HIP1R: variants seen among roughly 807,000 people sequenced by gnomAD.
HIP1R encodes the protein huntingtin interacting protein 1 related.
Under a neutral mutation model 144.2 loss-of-function variants are expected in HIP1R, and 135 were observed. That is an observed-to-expected ratio of 0.94 (90% CI 0.81 to 1.08). HIP1R has a LOEUF of 1.08. HIP1R is among the 50% of genes least tolerant of loss of function. The pLI is 0.00. For missense variants in HIP1R, 1,462 were observed against 1,432.8 expected, an observed-to-expected ratio of 1.02 and a Z score of -0.33; for synonymous variants, 698 against 612.8, an observed-to-expected ratio of 1.14 and a Z score of -2.05.
intron 1 of HIP1R, among the ~76,000 whole-genome samples, chr12:122,839,232 C>T (rs188376505): frequency 3.3e-5 from 5 of 152,332 alleles, no homozygotes; most frequent in African/African-American, 1.2e-4. Context: ...TGAGTCCTGC[C>T]TTTTCCTGAT....
At position 122,857,076 on chromosome 12, in the gene HIP1R, T is replaced by C. The variant is rs371136554; in HGVS notation, c.1676T>C (p.Leu559Pro). The change falls in exon 18 of 32, where the codon CTG becomes CCG. Residue 559 changes from leucine (L) to proline (P), a missense_variant. This residue lies in a region of HIP1R where 1,112 missense variants were observed against 1,011.7 expected (regional missense o/e 1.10). Transcript: ENST00000253083. ...ACGCTGAGTGCGGAGAAGGATGCTC[T>C]GAGTGGAGCTGTGCGGCAGCGGGAG... ...LDTLSAEKDA[L>P]SGAVRQREAD... The C allele has an allele frequency of 3.2e-6, 5 of 1,551,462 alleles. No homozygotes were observed. In the African/African-American group the frequency reaches 5.5e-5, roughly 17 times the overall value.
intron 1 of HIP1R, among the ~76,000 whole-genome samples, chr12:122,846,060 G>A (rs890375401): frequency 9.9e-5 from 15 of 152,184 alleles, no homozygotes; most frequent in African/African-American, 2.9e-4. Context: ...GGAATCTTCC[G>A]AACCAGGTGG....
At position 122,857,235 on chromosome 12, in the gene HIP1R, A is replaced by C; in HGVS notation, c.1815+20A>C. The C allele has an allele frequency of 6.5e-7, 1 of 1,547,594 alleles. No homozygotes were observed. The highest frequency in any genetic ancestry group is 8.7e-7 in the Non-Finnish European group (1 of 1,144,306). ...GAGAGGGTATGGCCTCCCCAGATGC[A>C]GCAGCACCACTGAGTTCACTGCCGT... On this transcript the variant is annotated intron_variant, in intron 18 of 31. Transcript: ENST00000253083.
intron 12 of HIP1R, 87 bp downstream of exon 12, chr12:122,855,699 C>T: frequency 6.6e-7 from 1 of 1,517,220 alleles, no homozygotes; most frequent in South Asian, 1.2e-5. Context: ...TCTGGAAAGG[C>T]CATAGGTGGG....
chr12:122,858,923 G>T lies in HIP1R; in HGVS notation c.2136G>T (p.Leu712=). Residue 712 remains leucine, a synonymous_variant, in exon 21 of 32, where the codon CTG becomes CTT. Coordinates refer to ENST00000253083, the MANE Select transcript of HIP1R (RefSeq NM_003959.3). ...TCAATGGCGGTGCCACCTCGCACCTGGCTCCCACCGACCCTGCCGACCGTA... is the reference window on the plus strand; with the variant it reads ...TCAATGGCGGTGCCACCTCGCACCTTGCTCCCACCGACCCTGCCGACCGTA... ...TIINGGATSH[L]APTDPADRLI... is the part of the protein sequence containing the mutation. 1 of 1,613,178 alleles carries T rather than the reference G, an allele frequency of 6.2e-7. No individual in the cohort carries two copies. Among genetic ancestry groups the T allele is most frequent in the Non-Finnish European group, 8.5e-7 (1 of 1,179,996 alleles).
chr12:122,854,524 G>C (rs1172743227), intron 8 of HIP1R, among the ~76,000 whole-genome samples: 1 of 152,158 alleles, frequency 6.6e-6, no homozygotes, highest in Non-Finnish European at 1.5e-5. Flanking sequence ...GGGGTGTTAG[G>C]AGAGTTTTGA....
At position 122,836,717 on chromosome 12, in the gene HIP1R, C is replaced by T. The variant is rs1361181916; in HGVS notation, c.93+1074C>T. Among the ~76,000 whole-genome samples the T allele has an allele frequency of 1.3e-5, 2 of 152,198 alleles. No individual in the cohort carries two copies. Among genetic ancestry groups the T allele is most frequent in the African/African-American group, 4.8e-5 (2 of 41,452 alleles). ...CATTTGCGTTTGTGGCGGCTATTTGCAAGTTCCGTCCCACTTGTCCTTGCA... is the reference window on the plus strand; with the variant it reads ...CATTTGCGTTTGTGGCGGCTATTTGTAAGTTCCGTCCCACTTGTCCTTGCA... On this transcript the variant is annotated intron_variant, in intron 1 of 31. Transcript: ENST00000253083. This position sits in a 1 kb window ranked among gnomAD's most constrained non-coding sequence, Gnocchi z 4.1.
chr12:122,847,597 A>T (rs2033245309), intron 1 of HIP1R, among the ~76,000 whole-genome samples: 1 of 152,060 alleles, frequency 6.6e-6, no homozygotes, highest in Non-Finnish European at 1.5e-5. Flanking sequence ...TGTGATGTGC[A>T]CCCTTCATGG....
At chr12:122,856,210 C>G in intron 14 of HIP1R, 46 bp from the exon 15 acceptor site, 1 of 1,612,968 alleles carries the variant, frequency 6.2e-7, no homozygotes, top group Non-Finnish European at 8.5e-7. Flanking sequence ...GTCCCCAGCC[C>G]CTGCCACCCC....
rs956615336 is a variant in HIP1R at position 122,840,260 on chromosome 12, C to A, written c.93+4617C>A. 6.6e-6 allele frequency among the ~76,000 whole-genome samples: 1 copy of A among 152,204 alleles called. No homozygotes were observed. The highest frequency in any genetic ancestry group is 1.5e-5 in the Non-Finnish European group (1 of 68,038). On this transcript the variant is annotated intron_variant, in intron 1 of 31. Coordinates refer to ENST00000253083, the MANE Select transcript of HIP1R (RefSeq NM_003959.3). The surrounding 1 kb of genome is among the most constrained non-coding windows in gnomAD (Gnocchi z 4.2). ...TCCCTGTCTCTGATGTGTTTTGATG[C>A]CCATGACACATTCCTGAGCGCCGCT...
intron 7 of HIP1R, among the ~76,000 whole-genome samples, chr12:122,851,674 T>G: frequency 8.4e-6 from 1 of 119,724 alleles, no homozygotes. Flanking sequence ...ACAGAGTGAG[T>G]CTCCGTCTTA....
intron 24 of HIP1R, 55 bp downstream of exon 24, chr12:122,859,885 C>T (rs2033714332): frequency 6.4e-7 from 1 of 1,562,458 alleles, no homozygotes; most frequent in African/African-American, 1.3e-5. Context: ...CCCGTGGCCC[C>T]TAAGGTTCTG....
At chr12:122,835,434 C>G, upstream of HIP1R, 4 of 1,136,548 alleles carry the variant, frequency 3.5e-6, no homozygotes, top group African/African-American at 5.0e-5. Flanking sequence ...GGCTCCTCCC[C>G]GGCGGGCGGG....
At position 122,858,146 on chromosome 12, in the gene HIP1R, G is replaced by A. The variant is rs770992062; in HGVS notation, c.1860G>A (p.Gln620=). The A allele has an allele frequency of 4.4e-6, 7 of 1,603,906 alleles. No homozygotes were observed. The highest frequency in any genetic ancestry group is 5.9e-6 in the Non-Finnish European group (7 of 1,177,772). Residue 620 remains glutamine (Q), a synonymous_variant, in exon 19 of 32, where the codon CAG becomes CAA. Transcript: ENST00000253083. ...QGLRQRLLDE[Q]FAVLRGAAAE... is the part of the protein sequence containing the mutation. ...TGCGGCAGAGGCTGCTGGACGAGCA[G>A]TTCGCAGTGTTGCGGGGCGCTGCTG...
chr12:122,857,205 T>A lies in HIP1R; in HGVS notation c.1805T>A (p.Leu602Gln). The stretch of plus-strand genomic sequence containing the variant: ...GAGCAGGGCGAGTTGCAGGGCCGGC[T>A]GGCAGAGAGGGTATGGCCTCCCCAG... ...SQEQGELQGRLAERESQEQGL... is the reference protein window; with the variant it reads ...SQEQGELQGRQAERESQEQGL... Residue 602 changes from leucine to glutamine, a missense_variant, in exon 18 of 32, where the codon CTG (leucine) becomes CAG (glutamine). Leu to Gln is a moderately radical substitution (Grantham distance 113). Around this residue, in one of 2 missense-constraint regions of HIP1R, gnomAD observed 1,112 missense variants for 1,011.7 expected, o/e 1.10. Coordinates refer to ENST00000253083, the MANE Select transcript of HIP1R (RefSeq NM_003959.3). 1 of 1,550,378 alleles carries A rather than the reference T, an allele frequency of 6.5e-7. No individual in the cohort carries two copies. The highest frequency in any genetic ancestry group is 8.7e-7 in the Non-Finnish European group (1 of 1,146,816).
intron 7 of HIP1R, among the ~76,000 whole-genome samples, chr12:122,853,206 C>T (rs920834486): frequency 6.6e-6 from 1 of 152,042 alleles, no homozygotes; most frequent in South Asian, 2.1e-4. Context: ...AGTTCTGATA[C>T]AAGGCCCGAT....
At chr12:122,850,267 C>T (rs1052605884) in intron 5 of HIP1R, 2 of 546,972 alleles carry the variant, frequency 3.7e-6, no homozygotes, top group Non-Finnish European at 7.0e-6. Context: ...CCTCCACTGC[C>T]CTCTGCCACC....
chr12:122,854,092 C>A lies in HIP1R; in HGVS notation c.627C>A (p.Gly209=), dbSNP rs1461976256. ...TAIAVSQMSS[G]QCRLAPLIQV... ...TCGCCGTATCCCAGATGTCCTCAGG[C>A]CAGTGCCGCCTGGCCCCCCTCATCC... Residue 209 remains glycine, a synonymous_variant, in exon 8 of 32, where the codon GGC becomes GGA. Transcript: ENST00000253083. 5 of 1,613,960 alleles carry A rather than the reference C, an allele frequency of 3.1e-6. No homozygotes were observed. The highest frequency in any genetic ancestry group is 4.2e-6 in the Non-Finnish European group (5 of 1,179,970).
At chr12:122,855,481 G>A in intron 11 of HIP1R, 70 bp from the exon 12 acceptor site, 5 of 1,546,916 alleles carry the variant, frequency 3.2e-6, no homozygotes, top group Non-Finnish European at 4.4e-6. Context: ...CGGGTGGCCA[G>A]CCCTCCCTTT....
Sources: allele counts gnomAD v4.1 joint callset (sites outside exome capture counted in the v4.1 genomes callset), GRCh38; gene constraint gnomAD v4.1.1; regional missense constraint gnomAD v4.1.1; non-coding constraint Gnocchi (gnomAD v3.1); transcripts MANE v1.5; gene names NCBI Gene and HGNC (gene_info 2026-07-23, HGNC 2026-07-21).